PCDHGB3: variants seen among roughly 807,000 people sequenced by gnomAD.
The protein encoded by PCDHGB3 is protocadherin gamma-B3.
Under a neutral mutation model 59.2 loss-of-function variants are expected in PCDHGB3, and 40 were observed. The observed-to-expected ratio is 0.68, with a 90% CI of 0.52 to 0.88. The LOEUF is 0.88. Ranked by LOEUF, PCDHGB3 falls within the 40% of genes least tolerant of loss-of-function variation. The pLI is 0.00. For missense variants in PCDHGB3, 1,309 were observed against 1,187.9 expected, an observed-to-expected ratio of 1.10 and a Z score of -1.50; for synonymous variants, 581 against 503.6, an observed-to-expected ratio of 1.15 and a Z score of -2.06.
At chr5:141,386,427 C>T (rs2090573409) in intron 1 of PCDHGB3, among the ~76,000 whole-genome samples, 1 of 152,052 alleles carries the variant, frequency 6.6e-6, no homozygotes. Context: ...CTGTAGCCCA[C>T]CTGCATGGGA....
intron 1 of PCDHGB3, among the ~76,000 whole-genome samples, chr5:141,468,890 G>A (rs2099184679): frequency 6.6e-6 from 1 of 151,592 alleles, no homozygotes; most frequent in African/African-American, 2.4e-5. Flanking sequence ...TAATAATAAG[G>A]TACTAATATG....
chr5:141,389,899 A>G (rs1328617262), intron 1 of PCDHGB3: 1 of 1,614,032 alleles, frequency 6.2e-7, no homozygotes, highest in South Asian at 1.1e-5. Flanking sequence ...GTGCTGCCGG[A>G]TATCACTGAC....
chr5:141,417,783 C>T, intron 1 of PCDHGB3: 1 of 1,474,286 alleles, frequency 6.8e-7, no homozygotes, highest in Non-Finnish European at 9.0e-7. Flanking sequence ...TGTCCTGGGC[C>T]GAATGCTCTT....
chr5:141,423,624 T>A (rs756883871), intron 1 of PCDHGB3: 9 of 1,607,038 alleles, frequency 5.6e-6, no homozygotes, highest in African/African-American at 1.3e-5. Flanking sequence ...AAGACTCAGC[T>A]ATCATTTTAG....
intron 1 of PCDHGB3, chr5:141,395,029 AT>A: frequency 6.2e-7 from 1 of 1,613,976 alleles, no homozygotes. Context: ...CCTGCCTCAC[AT>A]TTTGTGGGTG....
At position 141,489,358 on chromosome 5, in the gene PCDHGB3, G is replaced by A; in HGVS notation, c.2416-5449G>A. On this transcript the variant is annotated intron_variant, in intron 1 of 3. Transcript: ENST00000576222. This position sits in a 1 kb window ranked among gnomAD's most constrained non-coding sequence, Gnocchi z 4.5. ...TCGTTACTCAGTGGTGGAGGAGTCT[G>A]AGCCGGGGACGCTGGTGGGGAATGT... 1 of 1,613,144 alleles carries A rather than the reference G, an allele frequency of 6.2e-7. No individual in the cohort carries two copies. The highest frequency in any genetic ancestry group is 8.5e-7 in the Non-Finnish European group (1 of 1,179,278).
intron 2 of PCDHGB3, among the ~76,000 whole-genome samples, chr5:141,501,476 A>T (rs1274017343): frequency 3.3e-5 from 5 of 152,044 alleles, no homozygotes; most frequent in Admixed American, 3.3e-4. Context: ...ATCCTGGAAG[A>T]GTCCCTCATA....
At chr5:141,506,699 C>T (rs758682427) in intron 3 of PCDHGB3, among the ~76,000 whole-genome samples, 2 of 152,094 alleles carry the variant, frequency 1.3e-5, no homozygotes, top group Non-Finnish European at 2.9e-5. Flanking sequence ...GACCCAAACC[C>T]GTTTTTTACT....
chr5:141,484,699 T>A (rs899065665), intron 1 of PCDHGB3, among the ~76,000 whole-genome samples: 4 of 151,966 alleles, frequency 2.6e-5, no homozygotes, highest in African/African-American at 9.7e-5. Flanking sequence ...GCTGTGGCTG[T>A]TTTCCCCGCC....
At chr5:141,469,372 C>G (rs780872014) in intron 1 of PCDHGB3, among the ~76,000 whole-genome samples, 5 of 151,990 alleles carry the variant, frequency 3.3e-5, no homozygotes, top group Non-Finnish European at 5.9e-5. Flanking sequence ...GTAAAGAGAT[C>G]GAGACCATCC....
chr5:141,405,203 C>T, intron 1 of PCDHGB3: 2 of 1,613,520 alleles, frequency 1.2e-6, no homozygotes, highest in Non-Finnish European at 1.7e-6. Context: ...AGCTTTCCTA[C>T]AGACCTATTC....
intron 1 of PCDHGB3, chr5:141,376,684 T>TTTTTGTTTTTG: frequency 2.5e-6 from 2 of 809,290 alleles, no homozygotes; most frequent in African/African-American, 1.9e-5. Flanking sequence ...TCGTTTTTTT[T>TTTTTGTTTTTG]TTTTTTTTTT....
At position 141,471,885 on chromosome 5, in the gene PCDHGB3, A is replaced by G. The variant is rs180968509; in HGVS notation, c.2416-22922A>G. ...ACTGTGGTTGCCTGAGGCTGAAGCT[A>G]GGAAGATTGACTACAGACAAGCATG... On this transcript the variant is annotated intron_variant, in intron 1 of 3. Transcript: ENST00000576222. Among the ~76,000 whole-genome samples the G allele has an allele frequency of 1.9e-3, 294 of 152,338 alleles. 1 individual carries two copies. Among genetic ancestry groups the G allele is most frequent in the Middle Eastern group, 0.017 (5 of 294 alleles).
chr5:141,391,744 C>T (rs559357798), intron 1 of PCDHGB3: 1 of 152,230 alleles, frequency 6.6e-6, no homozygotes, highest in South Asian at 2.1e-4. Context: ...TCATACTTAT[C>T]CTTTGGCTTC....
chr5:141,421,050 T>TACCACACAA, intron 1 of PCDHGB3: 1 of 561,278 alleles, frequency 1.8e-6, no homozygotes, highest in Non-Finnish European at 3.1e-6. Flanking sequence ...CCCCCGCCTC[T>TACCACACAA]ACCACACAAA....
At chr5:141,399,632 C>A in intron 1 of PCDHGB3, 2 of 1,613,894 alleles carry the variant, frequency 1.2e-6, no homozygotes, top group Non-Finnish European at 1.7e-6. Context: ...TCTTACGTGT[C>A]CATGAGCGCG....
chr5:141,444,545 C>G (rs1346405150), intron 1 of PCDHGB3, among the ~76,000 whole-genome samples: 1 of 152,042 alleles, frequency 6.6e-6, no homozygotes, highest in Non-Finnish European at 1.5e-5. Context: ...GTCTAGTGAG[C>G]AAAAGGCACT....
chr5:141,376,032 G>T (rs751769680), intron 1 of PCDHGB3: 3 of 1,613,116 alleles, frequency 1.9e-6, no homozygotes, highest in East Asian at 4.5e-5. Context: ...CAGGACCACG[G>T]CCAGCCCCCT....
intron 1 of PCDHGB3, chr5:141,376,527 A>T: frequency 6.2e-7 from 1 of 1,613,816 alleles, no homozygotes; most frequent in South Asian, 1.1e-5. Context: ...TTTCCGCCTA[A>T]GCGGGAAGAG....
Sources: allele counts gnomAD v4.1 joint callset (sites outside exome capture counted in the v4.1 genomes callset), GRCh38; gene constraint gnomAD v4.1.1; non-coding constraint Gnocchi (gnomAD v3.1); transcripts MANE v1.5; gene names NCBI Gene and HGNC (gene_info 2026-07-23, HGNC 2026-07-21).